Variants in SLC7A2 observed in about 807,000 individuals in gnomAD.
SLC7A2 encodes the protein solute carrier family 7 member 2.
SLC7A2 carries 48 observed loss-of-function variants against 58.9 expected under a neutral mutation model. The ratio of observed to expected loss-of-function variants is 0.82; its 90% CI spans 0.65 to 1.04. The LOEUF (loss-of-function observed/expected upper bound fraction) is 1.04. Ranked by LOEUF, SLC7A2 falls within the 50% of genes least tolerant of loss-of-function variation. The pLI is 0.00. For missense variants in SLC7A2, 1,029 were observed against 818.8 expected, an observed-to-expected ratio of 1.26 and a Z score of -3.13; for synonymous variants, 363 against 314.5, an observed-to-expected ratio of 1.15 and a Z score of -1.63.
At chr8:17,498,256 G>A (rs928478974) in intron 1 of SLC7A2, among the ~76,000 whole-genome samples, 1 of 152,184 alleles carries the variant, frequency 6.6e-6, no homozygotes, top group Admixed American at 6.5e-5. Flanking sequence ...ATTCAAATAA[G>A]AGCTCTCTGA....
intron 1 of SLC7A2, among the ~76,000 whole-genome samples, chr8:17,497,495 C>T (rs1056664118): frequency 6.6e-6 from 1 of 152,190 alleles, no homozygotes; most frequent in African/African-American, 2.4e-5. Context: ...CCCCGGAATG[C>T]GCCTCGCCTC....
chr8:17,500,814 AC>A (rs1800127667), intron 1 of SLC7A2, among the ~76,000 whole-genome samples: 1 of 75,882 alleles, frequency 1.3e-5, no homozygotes, highest in African/African-American at 3.0e-5. Flanking sequence ...ACACACACAC[AC>A]ACACACACAC....
chr8:17,518,972 G>C (rs2588213), intron 2 of SLC7A2, among the ~76,000 whole-genome samples: 43,707 of 152,004 alleles, frequency 0.29, 8,287 homozygotes, highest in African/African-American at 0.53. Context: ...AGTTGGTAGA[G>C]AGAGAACACC....
intron 2 of SLC7A2, among the ~76,000 whole-genome samples, chr8:17,505,693 C>G (rs1011206916): frequency 8.5e-5 from 13 of 152,116 alleles, no homozygotes; most frequent in African/African-American, 3.1e-4. Flanking sequence ...AATGGGTAAG[C>G]ATAGTCAGTG....
At chr8:17,554,824 G>A (rs2301539) in intron 8 of SLC7A2, 125 bp downstream of exon 8, 155,395 of 1,439,006 alleles carry the variant, frequency 0.11, 10,576 homozygotes, top group East Asian at 0.3. Flanking sequence ...TTTTTTGTGA[G>A]TGTTTCCTAT....
At chr8:17,500,088 T>C (rs1800093460) in intron 1 of SLC7A2, 2 of 152,372 alleles carry the variant, frequency 1.3e-5, no homozygotes, top group African/African-American at 2.4e-5. Context: ...ACTCCGGTTT[T>C]AGAGGGATTC....
chr8:17,544,660 G>A (rs1802081935), intron 4 of SLC7A2, 54 bp downstream of exon 4: 1 of 1,514,520 alleles, frequency 6.6e-7, no homozygotes, highest in Non-Finnish European at 9.1e-7. Flanking sequence ...TTTGTCTCAG[G>A]AAAATAGGTT....
At chr8:17,512,998 A>C (rs903619097) in intron 2 of SLC7A2, among the ~76,000 whole-genome samples, 1 of 152,204 alleles carries the variant, frequency 6.6e-6, no homozygotes, top group Non-Finnish European at 1.5e-5. Context: ...ATAATAGTCC[A>C]TTGTATGTAT....
Position 17,504,690 on chromosome 8 carries a change from C to T in SLC7A2, c.-23+2388C>T, listed in dbSNP as rs186233857. Among the ~76,000 whole-genome samples the T allele has an allele frequency of 1.1e-3, 166 of 152,290 alleles. 1 individual carries two copies. The highest frequency in any genetic ancestry group is 3.8e-3 in the African/African-American group (159 of 41,564). On this transcript the variant is annotated intron_variant, in intron 2 of 12. Coordinates refer to ENST00000494857, the MANE Select transcript of SLC7A2 (RefSeq NM_001370338.1). Reference sequence around the variant, plus strand: ...ACATTTGGAGAAGTTAAAGGTCATACTCTTTTTAGGTAGAATTGTATAATA... The same window carrying T: ...ACATTTGGAGAAGTTAAAGGTCATATTCTTTTTAGGTAGAATTGTATAATA...
upstream of SLC7A2, chr8:17,497,008 C>T (rs1235503721): frequency 6.6e-6 from 1 of 150,386 alleles, no homozygotes; most frequent in Admixed American, 6.6e-5. Context: ...TCCGGGAGCG[C>T]GGAGGAGGCG....
intron 2 of SLC7A2, among the ~76,000 whole-genome samples, chr8:17,519,427 C>A (rs989604723): frequency 6.6e-6 from 1 of 152,106 alleles, no homozygotes; most frequent in African/African-American, 2.4e-5. Flanking sequence ...TGATTGAATT[C>A]TTTTTAAGCA....
chr8:17,521,692 G>T lies in SLC7A2; in HGVS notation c.-23+19390G>T, dbSNP rs185945358. ...GGCAGCAAGCCTCTCATTAGCATGG[G>T]GTGCTGCGGTATGCTTGGCCAAGGA... On this transcript the variant is annotated intron_variant, in intron 2 of 12. Transcript: ENST00000494857. Among the ~76,000 whole-genome samples the T allele has an allele frequency of 2.2e-3, 334 of 152,348 alleles. 6 individuals carry two copies. Among genetic ancestry groups the T allele is most frequent in the African/African-American group, 7.7e-3 (319 of 41,586 alleles).
chr8:17,562,150 C>T, intron 11 of SLC7A2, 40 bp downstream of exon 11: 6 of 1,105,836 alleles, frequency 5.4e-6, no homozygotes, highest in Non-Finnish European at 7.5e-6. Context: ...ATACTGTATT[C>T]ATTTTCTCTG....
At chr8:17,517,926 G>C (rs1800865183) in intron 2 of SLC7A2, among the ~76,000 whole-genome samples, 1 of 152,020 alleles carries the variant, frequency 6.6e-6, no homozygotes, top group Non-Finnish European at 1.5e-5. Context: ...ACAGACCTTA[G>C]GTTCAAATCC....
At chr8:17,541,042 T>TGG (rs1801890299) in intron 2 of SLC7A2, among the ~76,000 whole-genome samples, 1 of 152,214 alleles carries the variant, frequency 6.6e-6, no homozygotes. Context: ...ATGACATGTC[T>TGG]CATTTTCAAG....
chr8:17,504,455 C>T (rs185715399), intron 2 of SLC7A2, among the ~76,000 whole-genome samples: 10 of 152,190 alleles, frequency 6.6e-5, no homozygotes, highest in East Asian at 1.9e-4. Flanking sequence ...TTCTAATTGG[C>T]GGAGCCCATA....
intron 2 of SLC7A2, chr8:17,511,303 C>A (rs907701319): frequency 1.3e-5 from 2 of 152,278 alleles, no homozygotes; most frequent in Non-Finnish European, 2.9e-5. Context: ...AGCATTTTCT[C>A]CTTAACTTCT....
chr8:17,524,258 C>T (rs1353938402), intron 2 of SLC7A2, among the ~76,000 whole-genome samples: 1 of 152,108 alleles, frequency 6.6e-6, no homozygotes, highest in Admixed American at 6.5e-5. Flanking sequence ...TACTAGGTAT[C>T]TACCAAAGGA....
In SLC7A2 at chr8:17,521,337, G is replaced by A. The variant is rs114170539; in HGVS notation, c.-23+19035G>A. 5.9e-3 allele frequency among the ~76,000 whole-genome samples: 906 copies of A among 152,274 alleles called. 8 individuals are homozygous for A. The highest frequency in any genetic ancestry group is 0.02 in the African/African-American group (851 of 41,552). ...CGTAAATGGCCTATGTTGGTTCTTCGGAATTGGTGGCAAGAGGACAGAGTG... is the reference window on the plus strand; with the variant it reads ...CGTAAATGGCCTATGTTGGTTCTTCAGAATTGGTGGCAAGAGGACAGAGTG... On this transcript the variant is annotated intron_variant, in intron 2 of 12. Coordinates refer to ENST00000494857, the MANE Select transcript of SLC7A2 (RefSeq NM_001370338.1).
Sources: allele counts gnomAD v4.1 joint callset (sites outside exome capture counted in the v4.1 genomes callset), GRCh38; gene constraint gnomAD v4.1.1; transcripts MANE v1.5; gene names NCBI Gene and HGNC (gene_info 2026-07-23, HGNC 2026-07-21).